The following TXNDC11 variants were observed in gnomAD, a reference collection of about 807,000 sequenced individuals.
TXNDC11 encodes thioredoxin domain-containing protein 11.
A neutral mutation model predicts 78.0 loss-of-function variants in TXNDC11; 68 were observed. The ratio of observed to expected loss-of-function variants is 0.87; its 90% CI spans 0.72 to 1.07. The LOEUF is 1.07. TXNDC11 is among the 50% of genes least tolerant of loss of function. TXNDC11 has a pLI of 0.00. For missense variants in TXNDC11, 1,389 were observed against 1,221.8 expected (o/e 1.14, Z -2.04); for synonymous variants, 571 against 495.2 (o/e 1.15, Z -2.03).
intron 5 of TXNDC11, among the ~76,000 whole-genome samples, chr16:11,712,379 C>T (rs1458264653): frequency 6.6e-6 from 1 of 152,132 alleles, no homozygotes; most frequent in Non-Finnish European, 1.5e-5. Flanking sequence ...TCCCACCCCC[C>T]AGCACCCATC....
chr16:11,722,428 TC>T (rs1249345757), intron 4 of TXNDC11, among the ~76,000 whole-genome samples: 1 of 152,248 alleles, frequency 6.6e-6, no homozygotes, highest in African/African-American at 2.4e-5. Context: ...ACTTCTTCCT[TC>T]TTGGAAGGCC....
intron 10 of TXNDC11, among the ~76,000 whole-genome samples, chr16:11,685,844 TCTTA>T (rs2050554608): frequency 6.6e-6 from 1 of 152,244 alleles, no homozygotes; most frequent in South Asian, 2.1e-4. Context: ...CTCACTTGAT[TCTTA>T]CTTCAAAGAA....
In TXNDC11 at chr16:11,736,041, T is replaced by C. The variant is rs755854341; in HGVS notation, c.447A>G (p.Gln149=). ...CCTGATCTGAAAGCCGACTTGCTGC[T>C]TGCTCAATTTCTGCCCTGGCAGCGA... ...QSIAARAEIE[Q]AASRLSDQVL... Residue 149 remains glutamine, a synonymous_variant, in exon 2 of 12, where the codon CAA becomes CAG. Transcript: ENST00000283033. The C allele has an allele frequency of 4.3e-6, 7 of 1,614,114 alleles. No homozygotes were observed. Among genetic ancestry groups the C allele is most frequent in the South Asian group, 1.1e-5 (1 of 91,086 alleles).
chr16:11,689,087 C>CTT (rs34967613), intron 8 of TXNDC11, among the ~76,000 whole-genome samples: 50,566 of 142,946 alleles, frequency 0.35, 10,680 homozygotes, highest in Non-Finnish European at 0.48. Flanking sequence ...TTGAATTTCA[C>CTT]TTTTTTTTTT....
chr16:11,724,641 T>G (rs2051819926), intron 4 of TXNDC11, among the ~76,000 whole-genome samples: 1 of 152,172 alleles, frequency 6.6e-6, no homozygotes, highest in African/African-American at 2.4e-5. Flanking sequence ...TTAGTATACG[T>G]TGTCCACAGT....
intron 5 of TXNDC11, among the ~76,000 whole-genome samples, chr16:11,705,143 T>A (rs1015422219): frequency 2.6e-5 from 4 of 152,006 alleles, no homozygotes; most frequent in African/African-American, 7.2e-5. Context: ...GTGATCCACC[T>A]GGCCTCAGCC....
intron 10 of TXNDC11, among the ~76,000 whole-genome samples, chr16:11,685,430 G>C (rs1005352499): frequency 1.3e-5 from 2 of 151,996 alleles, no homozygotes; most frequent in African/African-American, 4.8e-5. Context: ...CAGATCACGA[G>C]GTCAGGTGAT....
At chr16:11,704,423 T>C (rs781454485) in intron 5 of TXNDC11, among the ~76,000 whole-genome samples, 6 of 152,176 alleles carry the variant, frequency 3.9e-5, no homozygotes, top group Admixed American at 6.6e-5. Context: ...GAGGATATAT[T>C]TACATAGTGT....
Position 11,733,977 on chromosome 16 carries a change from C to T in TXNDC11, c.569+5G>A. On this transcript the variant is annotated splice_donor_5th_base_variant and intron_variant, in intron 3 of 11. Transcript: ENST00000283033. ...AATGAGAGACGCTATTTAAAAAGTT[C>T]TTACCTCCGATGATACAGATATATT... The T allele has an allele frequency of 6.3e-7, 1 of 1,597,334 alleles. No individual in the cohort carries two copies. Among genetic ancestry groups the T allele is most frequent in the Non-Finnish European group, 8.6e-7 (1 of 1,169,488 alleles).
At chr16:11,721,733 A>G (rs1338815123) in intron 4 of TXNDC11, 63 bp from the exon 5 acceptor site, 4 of 886,746 alleles carry the variant, frequency 4.5e-6, no homozygotes, top group Non-Finnish European at 7.3e-6. Flanking sequence ...AATGGAGGAT[A>G]TTTTAAAGCA....
chr16:11,705,152 C>T (rs2051147789), intron 5 of TXNDC11, among the ~76,000 whole-genome samples: 1 of 152,132 alleles, frequency 6.6e-6, no homozygotes, highest in Admixed American at 6.5e-5. Context: ...CTGGCCTCAG[C>T]CTCCCAAAGT....
chr16:11,734,173 T>C, intron 2 of TXNDC11, 94 bp from the exon 3 acceptor site: 1 of 821,886 alleles, frequency 1.2e-6, no homozygotes. Context: ...GAATGATTCC[T>C]CTCTCACTGA....
intron 10 of TXNDC11, among the ~76,000 whole-genome samples, chr16:11,687,161 T>C (rs1300245750): frequency 1.3e-5 from 2 of 152,184 alleles, no homozygotes; most frequent in Non-Finnish European, 2.9e-5. Context: ...TTTTCTCTCT[T>C]TATTTTTCCA....
At chr16:11,733,587 G>C (rs964987960) in intron 3 of TXNDC11, among the ~76,000 whole-genome samples, 1 of 152,066 alleles carries the variant, frequency 6.6e-6, no homozygotes, top group African/African-American at 2.4e-5. Flanking sequence ...CTTCCCAATA[G>C]AATAGATGGT....
At chr16:11,692,609 T>C (rs551646231) in intron 7 of TXNDC11, among the ~76,000 whole-genome samples, 1 of 152,276 alleles carries the variant, frequency 6.6e-6, no homozygotes, top group South Asian at 2.1e-4. Context: ...AAAGTGAAAT[T>C]CGTGTGTAGT....
intron 7 of TXNDC11, 105 bp from the exon 8 acceptor site, chr16:11,692,187 T>C: frequency 3.4e-6 from 3 of 879,928 alleles, no homozygotes; most frequent in Non-Finnish European, 5.1e-6. Flanking sequence ...CATGGTCAAC[T>C]CCGGTTCAAA....
At chr16:11,729,218 C>T (rs1173929012) in intron 4 of TXNDC11, among the ~76,000 whole-genome samples, 2 of 152,196 alleles carry the variant, frequency 1.3e-5, no homozygotes, top group African/African-American at 2.4e-5. Flanking sequence ...GTGAGTAACC[C>T]GCCCCAAATC....
chr16:11,730,131 G>T (rs200759707), intron 4 of TXNDC11, among the ~76,000 whole-genome samples: 2 of 152,102 alleles, frequency 1.3e-5, no homozygotes, highest in Admixed American at 1.3e-4. Flanking sequence ...GTTGAAGTTG[G>T]CAGTGGGGAA....
intron 10 of TXNDC11, among the ~76,000 whole-genome samples, chr16:11,687,431 T>C (rs1457594647): frequency 1.3e-5 from 2 of 152,186 alleles, no homozygotes; most frequent in Non-Finnish European, 2.9e-5. Flanking sequence ...GGAATCACAA[T>C]ACCAGAATGT....
Sources: allele counts gnomAD v4.1 joint callset (sites outside exome capture counted in the v4.1 genomes callset), GRCh38; gene constraint gnomAD v4.1.1; transcripts MANE v1.5; gene names NCBI Gene and HGNC (gene_info 2026-07-23, HGNC 2026-07-21).